VPS13D: variants seen among roughly 807,000 people sequenced by gnomAD.
The protein encoded by VPS13D is intermembrane lipid transfer protein VPS13D.
Under a neutral mutation model 461.9 loss-of-function variants are expected in VPS13D, and 187 were observed. The observed-to-expected ratio is 0.40, with a 90% confidence interval of 0.36 to 0.46. The LOEUF (loss-of-function observed/expected upper bound fraction) is 0.46, where lower values mean the gene tolerates loss of function less well. Among genes scored for constraint, VPS13D ranks in the 20% least tolerant of loss-of-function variants. The pLI, the probability that VPS13D is intolerant of heterozygous loss-of-function variation, is 0.60. For synonymous variants in VPS13D, 1,951 were observed against 1,986.3 expected (o/e 0.98, Z 0.47); for missense variants, 4,711 against 5,364.9 (o/e 0.88, Z 3.81).
At position 12,358,484 on chromosome 1, in the gene VPS13D, A is replaced by T; in HGVS notation, c.10024A>T (p.Ile3342Phe). 6.2e-7 allele frequency: 1 copy of T among 1,614,046 alleles called. No homozygotes were observed. The highest frequency in any genetic ancestry group is 2.2e-5 in the East Asian group (1 of 44,880). Residue 3342 changes from isoleucine to phenylalanine, a missense_variant, in exon 50 of 70, where the codon ATT becomes TTT. Ile to Phe is a conservative substitution (Grantham distance 21, BLOSUM62 0). Around this residue, in one of 3 missense-constraint regions of VPS13D, gnomAD observed 4,411 missense variants for 4,937.8 expected, o/e 0.89. Transcript: ENST00000620676. ...NLCTMRIGRG[I>F]HPEGMPGWCQ... ...CTGCACGATGAGAATCGGAAGGGGGATTCATCCAGAAGGCATGCCGGGCTG... is the reference window on the plus strand; with the variant it reads ...CTGCACGATGAGAATCGGAAGGGGGTTTCATCCAGAAGGCATGCCGGGCTG...
intron 43 of VPS13D, 46 bp downstream of exon 43, chr1:12,345,555 G>A: frequency 6.3e-7 from 1 of 1,586,382 alleles, no homozygotes; most frequent in Non-Finnish European, 8.6e-7. Context: ...CTGTCAGGAA[G>A]TCAGATGGTT....
chr1:12,369,640 G>C lies in VPS13D; in HGVS notation c.10746G>C (p.Gln3582His). ...SEINCNMNDF[Q>H]DNRQLYYENF... ...TCAACTGCAACATGAATGATTTCCAGGATAATCGGCAGCTTTATTATGAAA... is the reference window on the plus strand; with the variant it reads ...TCAACTGCAACATGAATGATTTCCACGATAATCGGCAGCTTTATTATGAAA... The change falls in exon 54 of 70, where the codon CAG becomes CAC. Residue 3582 changes from glutamine to histidine, a missense_variant. Around this residue, in one of 3 missense-constraint regions of VPS13D, gnomAD observed 4,411 missense variants for 4,937.8 expected, o/e 0.89. Coordinates refer to ENST00000620676, the MANE Select transcript of VPS13D (RefSeq NM_015378.4). The C allele has an allele frequency of 6.2e-7, 1 of 1,614,102 alleles. No homozygotes were observed. The highest frequency in any genetic ancestry group is 8.5e-7 in the Non-Finnish European group (1 of 1,180,014).
chr1:12,463,078 C>A lies in VPS13D; in HGVS notation c.12662+2682C>A, dbSNP rs1338610676. Among the ~76,000 whole-genome samples the A allele has an allele frequency of 1.1e-4, 17 of 150,774 alleles. 1 individual carries two copies. Among genetic ancestry groups the A allele is most frequent in the Non-Finnish European group, 7.4e-5 (5 of 67,386 alleles). On this transcript the variant is annotated intron_variant, in intron 67 of 69. Coordinates refer to ENST00000620676, the MANE Select transcript of VPS13D (RefSeq NM_015378.4). ...TGCAGAAAAAAAGGAAAAAAAAAAA[C>A]AACAACAACAAAGTTTAACTGCAAG... is the stretch of plus-strand genomic sequence containing the variant.
At chr1:12,288,470 A>C (rs1159228996) in intron 22 of VPS13D, among the ~76,000 whole-genome samples, 157 bp downstream of exon 22, 1 of 152,094 alleles carries the variant, frequency 6.6e-6, no homozygotes, top group African/African-American at 2.4e-5. Flanking sequence ...GTGGTTCCCA[A>C]ATGCTGGCTT....
rs892824086 is a variant in VPS13D at position 12,505,379 on chromosome 1, A to G, written c.12795-1474A>G. Among the ~76,000 whole-genome samples, 14 of 152,350 alleles carry G rather than the reference A, an allele frequency of 9.2e-5. No individual in the cohort carries two copies. The highest frequency in any genetic ancestry group is 3.4e-4 in the African/African-American group (14 of 41,574). ...AGAACGTCTGTGCTGAGTGGCCTAA[A>G]CACTGAAGGCTGCGGGTCTTTCTAA... On this transcript the variant is annotated intron_variant, in intron 68 of 69. Transcript: ENST00000620676. This position sits in a 1 kb window ranked among gnomAD's most constrained non-coding sequence, Gnocchi z 4.2.
intron 7 of VPS13D, among the ~76,000 whole-genome samples, chr1:12,254,747 C>G (rs77952872): frequency 6.6e-6 from 1 of 151,590 alleles, no homozygotes; most frequent in Admixed American, 6.6e-5. Context: ...CGGCTGGTCT[C>G]GAACTCCTGA....
chr1:12,300,679 A>C (rs1642400879), intron 25 of VPS13D, among the ~76,000 whole-genome samples: 1 of 152,168 alleles, frequency 6.6e-6, no homozygotes, highest in Non-Finnish European at 1.5e-5. Context: ...TGTGTTTTAC[A>C]TTGGGGAAAC....
chr1:12,485,894 G>A (rs538788329), intron 67 of VPS13D, among the ~76,000 whole-genome samples: 7 of 152,142 alleles, frequency 4.6e-5, no homozygotes, highest in Non-Finnish European at 8.8e-5. Context: ...AGGCAGAAAT[G>A]TACCCCTTGT....
chr1:12,466,467 C>T (rs2100434693), intron 67 of VPS13D, among the ~76,000 whole-genome samples: 1 of 152,288 alleles, frequency 6.6e-6, no homozygotes, highest in Non-Finnish European at 1.5e-5. Context: ...AGTTCCTGTT[C>T]CTTAAAACTG....
intron 60 of VPS13D, among the ~76,000 whole-genome samples, chr1:12,395,435 G>C (rs1046207750): frequency 6.6e-6 from 1 of 152,038 alleles, no homozygotes; most frequent in Non-Finnish European, 1.5e-5. Flanking sequence ...TGCATCTTTC[G>C]GCGTGCATCT....
chr1:12,385,460 T>G (rs1341621789), intron 59 of VPS13D, 87 bp downstream of exon 59: 1 of 1,079,966 alleles, frequency 9.3e-7, no homozygotes, highest in East Asian at 2.6e-5. Flanking sequence ...TCTGTTTTCT[T>G]TCTATCCTGT....
chr1:12,488,823 A>G (rs999314890), intron 67 of VPS13D, among the ~76,000 whole-genome samples: 2 of 152,228 alleles, frequency 1.3e-5, no homozygotes, highest in Non-Finnish European at 2.9e-5. Flanking sequence ...GATTGGCATT[A>G]GAGGTGACAG....
intron 47 of VPS13D, among the ~76,000 whole-genome samples, chr1:12,355,321 C>T (rs1451253849): frequency 6.6e-6 from 1 of 152,080 alleles, no homozygotes; most frequent in Non-Finnish European, 1.5e-5. Context: ...TGAATGAAGT[C>T]AAAGTAGAGA....
chr1:12,479,431 G>A (rs560796055), intron 67 of VPS13D, among the ~76,000 whole-genome samples: 3 of 152,300 alleles, frequency 2.0e-5, no homozygotes, highest in East Asian at 3.9e-4. Flanking sequence ...ACACCTGCTC[G>A]GGATGACAGT....
At chr1:12,441,100 A>G (rs1557440875) in intron 65 of VPS13D, among the ~76,000 whole-genome samples, 1 of 151,908 alleles carries the variant, frequency 6.6e-6, no homozygotes, top group African/African-American at 2.4e-5. Flanking sequence ...TAATTTTTGT[A>G]ATTTTAGTAG....
intron 36 of VPS13D, 78 bp downstream of exon 36, chr1:12,327,932 TGTCATTCATACTCTATTTA>T: frequency 7.5e-7 from 1 of 1,342,218 alleles, no homozygotes; most frequent in Non-Finnish European, 1.0e-6. Context: ...TTTTTTTTTT[TGTCATTCATACTCTATTTA>T]GTCATTTGGG....
intron 66 of VPS13D, among the ~76,000 whole-genome samples, chr1:12,456,823 C>T (rs563845629): frequency 6.6e-6 from 1 of 152,288 alleles, no homozygotes; most frequent in South Asian, 2.1e-4. Context: ...TCTCTGGCTT[C>T]TGTTCCCAAA....
intron 2 of VPS13D, among the ~76,000 whole-genome samples, chr1:12,236,537 C>T (rs932351127): frequency 2.0e-5 from 3 of 152,038 alleles, no homozygotes; most frequent in Admixed American, 6.6e-5. Context: ...TGCACCACCA[C>T]GCCCGGCTAA....
At chr1:12,232,971 A>G (rs926660555) in intron 1 of VPS13D, among the ~76,000 whole-genome samples, 1 of 140,962 alleles carries the variant, frequency 7.1e-6, no homozygotes, top group African/African-American at 2.6e-5. Flanking sequence ...TTCTCCCCCC[A>G]CCCCCAACTT....
Sources: allele counts gnomAD v4.1 joint callset (sites outside exome capture counted in the v4.1 genomes callset), GRCh38; gene constraint gnomAD v4.1.1; regional missense constraint gnomAD v4.1.1; non-coding constraint Gnocchi (gnomAD v3.1); transcripts MANE v1.5; gene names NCBI Gene and HGNC (gene_info 2026-07-23, HGNC 2026-07-21).